The following CYB5D1 variants were observed in gnomAD, a reference collection of about 807,000 sequenced individuals.
CYB5D1 encodes the protein cytochrome b5 domain containing 1.
A neutral mutation model predicts 24.3 loss-of-function variants in CYB5D1; 30 were observed. That is an observed-to-expected ratio of 1.23 (90% CI 0.92 to 1.67). The LOEUF is 1.67. CYB5D1 is among the 40% of genes most tolerant of loss of function. The pLI is 0.00. For synonymous variants in CYB5D1, 128 were observed against 123.2 expected (o/e 1.04, Z -0.26); for missense variants, 265 against 296.7 (o/e 0.89, Z 0.79).
At position 7,858,392 on chromosome 17, in the gene CYB5D1, C is replaced by T; in HGVS notation, c.161-11C>T. 1.2e-6 allele frequency: 2 copies of T among 1,614,070 alleles called. No individual in the cohort carries two copies. The highest frequency in any genetic ancestry group is 8.5e-7 in the Non-Finnish European group (1 of 1,179,998). On this transcript the variant is annotated splice_polypyrimidine_tract_variant and intron_variant, in intron 1 of 3. Transcript: ENST00000332439. ...GCTGGCATTGACAGTGGCTGTGCTG[C>T]TCTTTTCAAGGGAACCTGCTGCTGA...
chr17:7,862,095 T>A lies in CYB5D1; in HGVS notation c.*2483T>A, dbSNP rs2151387617. On this transcript the variant is annotated 3_prime_UTR_variant, in exon 4 of 4. Coordinates refer to ENST00000332439, the MANE Select transcript of CYB5D1 (RefSeq NM_144607.6). ...TTCTTGGTGGGTCAAGACTTTCTGATAAATCAGTTAGCACCATGCATTTTC... is the reference window on the plus strand; with the variant it reads ...TTCTTGGTGGGTCAAGACTTTCTGAAAAATCAGTTAGCACCATGCATTTTC... The A allele has an allele frequency of 6.6e-6, 1 of 152,352 alleles. No individual in the cohort carries two copies. Among genetic ancestry groups the A allele is most frequent in the East Asian group, 1.9e-4 (1 of 5,186 alleles). 9.4% of individuals were successfully genotyped at this position (152,352 alleles called of 1,614,324 possible).
At position 7,858,634 on chromosome 17, in the gene CYB5D1, G is replaced by A. The variant is rs2078855162; in HGVS notation, c.266G>A (p.Gly89Asp). 1 of 1,604,816 alleles carries A rather than the reference G, an allele frequency of 6.2e-7. No homozygotes were observed. The highest frequency in any genetic ancestry group is 8.5e-7 in the Non-Finnish European group (1 of 1,173,886). ...DIRKHIDPLTGCLRYCTPRGR... is the reference protein window; with the variant it reads ...DIRKHIDPLTDCLRYCTPRGR... ...CGCAAGCACATAGATCCGCTGACCG[G>A]CTGCCTGAGGTACTGCACCCCGCGG... The change falls in exon 3 of 4, where the codon GGC (glycine) becomes GAC (aspartate). Residue 89 changes from glycine to aspartate, a missense_variant. Transcript: ENST00000332439.
chr17:7,859,836 G>A lies in CYB5D1; in HGVS notation c.*224G>A. On this transcript the variant is annotated 3_prime_UTR_variant, in exon 4 of 4. Transcript: ENST00000332439. The stretch of plus-strand genomic sequence containing the variant: ...TTAATCTTTGGGAATGATACAAGAA[G>A]ATCAAGTACCTTGGTTTAGGGAGAT... The A allele has an allele frequency of 3.7e-6, 2 of 543,830 alleles. No individual in the cohort carries two copies. Among genetic ancestry groups the A allele is most frequent in the South Asian group, 2.1e-5 (1 of 47,746 alleles). 33.7% of individuals were successfully genotyped at this position (543,830 alleles called of 1,614,324 possible).
At position 7,861,874 on chromosome 17, in the gene CYB5D1, C is replaced by G. The variant is rs2078885548; in HGVS notation, c.*2262C>G. 6.6e-6 allele frequency: 1 copy of G among 152,196 alleles called. No homozygotes were observed. Among genetic ancestry groups the G allele is most frequent in the South Asian group, 2.1e-4 (1 of 4,830 alleles). 9.4% of individuals were successfully genotyped at this position (152,196 alleles called of 1,614,324 possible). ...TGCTTTTGGAATAAAGTCCTAAATT[C>G]AAAGATCTTGTATAAATCAGGCTCA... On this transcript the variant is annotated 3_prime_UTR_variant, in exon 4 of 4. Coordinates refer to ENST00000332439, the MANE Select transcript of CYB5D1 (RefSeq NM_144607.6).
At position 7,858,778 on chromosome 17, in the gene CYB5D1, G is replaced by A. The variant is rs2078857554; in HGVS notation, c.410G>A (p.Ser137Asn). 2 of 1,581,318 alleles carry A rather than the reference G, an allele frequency of 1.3e-6. No homozygotes were observed. The highest frequency in any genetic ancestry group is 2.7e-5 in the African/African-American group (2 of 73,844). The change falls in exon 3 of 4, where the codon AGC becomes AAC. Residue 137 changes from serine to asparagine, a missense_variant. Physicochemically the swap from Ser to Asn is conservative, Grantham distance 46 (BLOSUM62 1). Transcript: ENST00000332439. ...EVGRLSAKTR[S>N]IRIINTLTSQ... ...GGGCGGCTGTCTGCCAAGACCCGGA[G>A]CATCCGCATCATTAACACGCTCACG...
rs2078872129 is a variant in CYB5D1 at position 7,860,128 on chromosome 17, TAGGTACTTC to T, written c.*518_*526del. The T allele has an allele frequency of 6.2e-6, 1 of 161,798 alleles. No homozygotes were observed. Among genetic ancestry groups the T allele is most frequent in the Non-Finnish European group, 1.3e-5 (1 of 74,120 alleles). The allele number at this position is 161,798 out of a possible 1,614,324, so 10.0% of individuals were successfully genotyped here. On this transcript the variant is annotated 3_prime_UTR_variant, in exon 4 of 4. Coordinates refer to ENST00000332439, the MANE Select transcript of CYB5D1 (RefSeq NM_144607.6). ...AGGCAATTCAGGCTAGATATTATAC[TAGGTACTTC>T]ATATACCCTCTTTTTTTTTTTTGCC... is the stretch of plus-strand genomic sequence containing the variant.
chr17:7,859,004 T>C (rs939646492), intron 3 of CYB5D1, 180 bp downstream of exon 3: 2 of 590,816 alleles, frequency 3.4e-6, no homozygotes, highest in East Asian at 2.9e-5. Flanking sequence ...TCTAGGAGTG[T>C]CTGGGTCACA....
At position 7,858,671 on chromosome 17, in the gene CYB5D1, G is replaced by C. The variant is rs546374918; in HGVS notation, c.303G>C (p.Val101=). ...ACTGCACCCCGCGGGGCCGCTTTGT[G>C]CACGTTCCGCCTCAGCTGCCCTGTT... ...LRYCTPRGRF[V]HVPPQLPCSD... The change falls in exon 3 of 4, where the codon GTG becomes GTC. Residue 101 remains valine (V), a synonymous_variant. Transcript: ENST00000332439. The C allele has an allele frequency of 3.7e-6, 6 of 1,610,946 alleles. No homozygotes were observed. The East Asian group carries it at 1.3e-4, about 36-fold the overall frequency.
At chr17:7,858,863 G>A (rs773725195) in intron 3 of CYB5D1, 39 bp downstream of exon 3, 1 of 1,483,094 alleles carries the variant, frequency 6.7e-7, no homozygotes, top group South Asian at 1.4e-5. Flanking sequence ...GAAGGAATGG[G>A]GAATCCCAGC....
chr17:7,858,710 C>G lies in CYB5D1; in HGVS notation c.342C>G (p.Asn114Lys). 1 of 1,610,418 alleles carries G rather than the reference C, an allele frequency of 6.2e-7. No individual in the cohort carries two copies. Among genetic ancestry groups the G allele is most frequent in the Non-Finnish European group, 8.5e-7 (1 of 1,178,066 alleles). The change falls in exon 3 of 4, where the codon AAC (asparagine) becomes AAG (lysine). Residue 114 changes from asparagine to lysine, a missense_variant. Coordinates refer to ENST00000332439, the MANE Select transcript of CYB5D1 (RefSeq NM_144607.6). The part of the protein sequence containing the change: ...PPQLPCSDWA[N>K]DFGKPWWQGS... ...AGCTGCCCTGTTCGGACTGGGCCAA[C>G]GATTTTGGGAAGCCCTGGTGGCAGG...
intron 3 of CYB5D1, chr17:7,859,058 T>C (rs534259397): frequency 1.8e-6 from 1 of 568,910 alleles, no homozygotes; most frequent in South Asian, 2.4e-5. Context: ...CAGCAGTTCA[T>C]GTATCTTAGT....
Position 7,858,979 on chromosome 17 carries a change from C to T in CYB5D1, c.456+155C>T. On this transcript the variant is annotated intron_variant, in intron 3 of 3. Transcript: ENST00000332439. ...CTGAGGAAAGCACAGCACCTAGGTC[C>T]CCAGGGTTGGGAATTCTAGGAGTGT... 4.4e-6 allele frequency: 3 copies of T among 678,420 alleles called. No homozygotes were observed. In the East Asian group the frequency reaches 8.5e-5, roughly 19 times the overall value. 42.0% of individuals were successfully genotyped at this position (678,420 alleles called of 1,614,324 possible).
chr17:7,858,788 C>A lies in CYB5D1; in HGVS notation c.420C>A (p.Ile140=). 6.4e-7 allele frequency: 1 copy of A among 1,573,230 alleles called. No individual in the cohort carries two copies. The highest frequency in any genetic ancestry group is 1.8e-5 in the Admixed American group (1 of 54,186). The change falls in exon 3 of 4, where the codon ATC becomes ATA. Residue 140 remains isoleucine, a synonymous_variant. Transcript: ENST00000332439. The part of the protein sequence containing the change: ...RLSAKTRSIR[I]INTLTSQEHT... ...CTGCCAAGACCCGGAGCATCCGCAT[C>A]ATTAACACGCTCACGTCGCAGGAGC...
At chr17:7,858,345 G>A (rs539772034) in intron 1 of CYB5D1, 51 bp downstream of exon 1, 296 of 1,614,014 alleles carry the variant, frequency 1.8e-4, no homozygotes, top group Non-Finnish European at 2.4e-4. Flanking sequence ...GTGCACGCGC[G>A]CGTTTGCCTG....
rs1180648604 is a variant in CYB5D1, at chr17:7,861,031, A to G, written c.*1419A>G. On this transcript the variant is annotated 3_prime_UTR_variant, in exon 4 of 4. Coordinates refer to ENST00000332439, the MANE Select transcript of CYB5D1 (RefSeq NM_144607.6). ...AGGGAGCTCGACAGGGGTAATGTAA[A>G]CAGAGATGCTAACTAAGTCAGAAAA... 2 of 152,196 alleles carry G rather than the reference A, an allele frequency of 1.3e-5. No homozygotes were observed. Among genetic ancestry groups the G allele is most frequent in the Non-Finnish European group, 2.9e-5 (2 of 68,042 alleles). 9.4% of individuals were successfully genotyped at this position (152,196 alleles called of 1,614,324 possible).
In CYB5D1 at chr17:7,858,871, A is replaced by C. The variant is rs112141336; in HGVS notation, c.456+47A>C. On this transcript the variant is annotated intron_variant, in intron 3 of 3. Coordinates refer to ENST00000332439, the MANE Select transcript of CYB5D1 (RefSeq NM_144607.6). Reference sequence around the variant, plus strand: ...CAGGTTAGAAGGAATGGGGAATCCCAGCAAATCTCCAGGCCGATCTTCAGG... The same window carrying C: ...CAGGTTAGAAGGAATGGGGAATCCCCGCAAATCTCCAGGCCGATCTTCAGG... 1.2e-5 allele frequency: 17 copies of C among 1,470,664 alleles called. 1 individual carries two copies. The African/African-American group carries it at 1.7e-4, about 15-fold the overall frequency. 91.1% of individuals were successfully genotyped at this position (1,470,664 alleles called of 1,614,324 possible).
intron 2 of CYB5D1, 30 bp downstream of exon 2, chr17:7,858,509 G>A (rs1481122596): frequency 1.9e-6 from 3 of 1,614,120 alleles, no homozygotes; most frequent in Non-Finnish European, 1.7e-6. Context: ...GGGATTGTGG[G>A]TAGAGGAAAT....
In CYB5D1 at chr17:7,858,386, G is replaced by T; in HGVS notation, c.161-17G>T. 6.2e-7 allele frequency: 1 copy of T among 1,614,154 alleles called. No homozygotes were observed. Among genetic ancestry groups the T allele is most frequent in the South Asian group, 1.1e-5 (1 of 91,082 alleles). ...CGAAGGGCTGGCATTGACAGTGGCT[G>T]TGCTGCTCTTTTCAAGGGAACCTGC... On this transcript the variant is annotated splice_polypyrimidine_tract_variant and intron_variant, in intron 1 of 3. Coordinates refer to ENST00000332439, the MANE Select transcript of CYB5D1 (RefSeq NM_144607.6).
chr17:7,858,448 T>TCAGC lies in CYB5D1; in HGVS notation c.209_212dup (p.His71GlnfsTer5). The TCAGC allele has an allele frequency of 6.2e-7, 1 of 1,614,184 alleles. No individual in the cohort carries two copies. Among genetic ancestry groups the TCAGC allele is most frequent in the South Asian group, 1.1e-5 (1 of 91,086 alleles). On this transcript the variant is annotated frameshift_variant, in exon 2 of 4. Coordinates refer to ENST00000332439, the MANE Select transcript of CYB5D1 (RefSeq NM_144607.6). LOFTEE classifies it high-confidence loss of function. ...ATCGTGGAAGTTGCAGGCCAGGATA[T>TCAGC]CAGCCACTGGTTTGATCCAAAGACC...
Sources: gnomAD v4.1 joint callset for allele counts on GRCh38, gnomAD v4.1.1 for gene constraint, MANE v1.5 for transcripts, NCBI Gene and HGNC (gene_info 2026-07-23, HGNC 2026-07-21) for gene names.